The following DCHS1 variants were observed in gnomAD, a reference collection of about 807,000 sequenced individuals.
DCHS1 encodes the protein dachsous cadherin-related 1, also known as protocadherin-16.
In DCHS1, 78 loss-of-function variants were observed where a neutral mutation model predicts 213.9. The observed-to-expected ratio is 0.36, with a 90% CI of 0.30 to 0.44. The LOEUF (loss-of-function observed/expected upper bound fraction) is 0.44, where lower values mean the gene tolerates loss of function less well. Among genes scored for constraint, DCHS1 ranks in the 20% least tolerant of loss-of-function variants. The pLI is 1.00. For missense variants in DCHS1, 3,946 were observed against 4,395.9 expected, an observed-to-expected ratio of 0.90 and a Z score of 2.89; for synonymous variants, 1,828 against 1,873.7, an observed-to-expected ratio of 0.98 and a Z score of 0.63.
In DCHS1 at chr11:6,630,230, C is replaced by T. The variant is rs1349078969; in HGVS notation, c.4564G>A (p.Ala1522Thr). The T allele has an allele frequency of 1.9e-6, 3 of 1,555,904 alleles. No homozygotes were observed. The highest frequency in any genetic ancestry group is 1.7e-6 in the Non-Finnish European group (2 of 1,153,318). Reference sequence around the variant, plus strand: ...ACGCGCGCTGCACGACGGCGGCTGGCGTTGGCGGGCCGGTCGGTGGCTTCC... The same window carrying T: ...ACGCGCGCTGCACGACGGCGGCTGGTGTTGGCGGGCCGGTCGGTGGCTTCC... ...LVEATDRPANASRRRAARVSA... is the reference protein window; with the variant it reads ...LVEATDRPANTSRRRAARVSA... The change falls in exon 10 of 21, where the codon GCC becomes ACC. Residue 1522 changes from alanine to threonine, a missense_variant. Ala to Thr is a moderately conservative substitution (Grantham distance 58). Coordinates refer to ENST00000299441, the MANE Select transcript of DCHS1 (RefSeq NM_003737.4).
intron 6 of DCHS1, 43 bp from the exon 7 acceptor site, chr11:6,631,852 T>G: frequency 6.7e-7 from 1 of 1,494,324 alleles, no homozygotes; most frequent in African/African-American, 1.4e-5. Context: ...TGTTTAAGGA[T>G]GCAGAGCCTG....
intron 1 of DCHS1, among the ~76,000 whole-genome samples, chr11:6,653,234 T>A (rs577351394): frequency 6.6e-6 from 1 of 152,286 alleles, no homozygotes; most frequent in East Asian, 1.9e-4. Flanking sequence ...CTATTTTCCT[T>A]CATGTGGGCT....
intron 1 of DCHS1, among the ~76,000 whole-genome samples, chr11:6,644,484 C>T (rs952248646): frequency 1.3e-5 from 2 of 152,310 alleles, no homozygotes; most frequent in Non-Finnish European, 2.9e-5. Context: ...AAAATCACTC[C>T]CTCCTGCCTG....
Position 6,627,372 on chromosome 11 carries a change from A to G in DCHS1, c.5667T>C (p.His1889=), listed in dbSNP as rs2134619810. ...TACCGGCGCCCAGGTAGTAGGTCACATGGCCATTAGCTCCAGCATCAGGGT... is the reference window on the plus strand; with the variant it reads ...TACCGGCGCCCAGGTAGTAGGTCACGTGGCCATTAGCTCCAGCATCAGGGT... ...AHDPDAGANG[H]VTYYLGAGTA... Residue 1889 remains histidine, a synonymous_variant, in exon 14 of 21, where the codon CAT becomes CAC. Transcript: ENST00000299441. This position sits in a 1 kb window ranked among gnomAD's most constrained non-coding sequence, Gnocchi z 5.4. 6.2e-7 allele frequency: 1 copy of G among 1,608,040 alleles called. No homozygotes were observed. The highest frequency in any genetic ancestry group is 8.5e-7 in the Non-Finnish European group (1 of 1,177,366).
chr11:6,646,405 C>G (rs993743752), intron 1 of DCHS1, among the ~76,000 whole-genome samples: 1 of 152,166 alleles, frequency 6.6e-6, no homozygotes, highest in Non-Finnish European at 1.5e-5. Flanking sequence ...CCGTCTCATG[C>G]TCGCTCCAGC....
chr11:6,632,679 G>A lies in DCHS1; in HGVS notation c.2833C>T (p.Pro945Ser). The change falls in exon 6 of 21, where the codon CCC (proline) becomes TCC (serine). Residue 945 changes from proline to serine, a missense_variant. Pro to Ser is a moderately conservative substitution (Grantham distance 74). This residue lies in a region of DCHS1 where 3,384 missense variants were observed against 3,780.1 expected (regional missense o/e 0.90). Coordinates refer to ENST00000299441, the MANE Select transcript of DCHS1 (RefSeq NM_003737.4). The surrounding 1 kb of genome is among the most constrained non-coding windows in gnomAD (Gnocchi z 5.9). ...AGGGGAFTVD[P>S]TTGHVRLMRP... The stretch of plus-strand genomic sequence containing the variant: ...ATAAGCCGTACATGGCCTGTGGTGG[G>A]GTCCACGGTGAAGGCTCCACCACCC... The A allele has an allele frequency of 3.2e-6, 5 of 1,578,714 alleles. No homozygotes were observed. Among genetic ancestry groups the A allele is most frequent in the Non-Finnish European group, 3.4e-6 (4 of 1,161,906 alleles).
intron 1 of DCHS1, among the ~76,000 whole-genome samples, chr11:6,654,495 C>T (rs1377107460): frequency 6.6e-6 from 1 of 152,064 alleles, no homozygotes; most frequent in African/African-American, 2.4e-5. Context: ...TATGTGTTGG[C>T]CTTGACAATG....
Position 6,630,039 on chromosome 11 carries a change from T to C in DCHS1, c.4755A>G (p.Ala1585=), listed in dbSNP as rs1446835839. The C allele has an allele frequency of 6.4e-7, 1 of 1,557,356 alleles. No homozygotes were observed. The highest frequency in any genetic ancestry group is 1.2e-5 in the South Asian group (1 of 82,314). The change falls in exon 10 of 21, where the codon GCA becomes GCG. Residue 1585 remains alanine, a synonymous_variant. Coordinates refer to ENST00000299441, the MANE Select transcript of DCHS1 (RefSeq NM_003737.4). ...GCCGGAAGTGGCCGTCCCCGCCAGA[T>C]GCCAGCCGATAGGACACGCGTGCAG... ...GEAARVSYRL[A]SGGDGHFRLH...
rs771473186 is a variant in DCHS1, at chr11:6,627,311, C to T, written c.5728G>A (p.Glu1910Lys). 4 of 1,611,672 alleles carry T rather than the reference C, an allele frequency of 2.5e-6. No individual in the cohort carries two copies. Among genetic ancestry groups the T allele is most frequent in the Non-Finnish European group, 3.4e-6 (4 of 1,179,038 alleles). The change falls in exon 14 of 21, where the codon GAA (glutamate) becomes AAA (lysine). Residue 1910 changes from glutamate (E) to lysine (K), a missense_variant. Transcript: ENST00000299441. This position sits in a 1 kb window ranked among gnomAD's most constrained non-coding sequence, Gnocchi z 5.4. ...GAFLLEPSSG[E>K]LRTAAALDRE... ...TCCAAGGCTGCAGCTGTGCGCAGTTCTCCAGAGCTGGGCTCCAGCAGGAAG... is the reference window on the plus strand; with the variant it reads ...TCCAAGGCTGCAGCTGTGCGCAGTTTTCCAGAGCTGGGCTCCAGCAGGAAG...
Position 6,655,522 on chromosome 11 carries a change from G to A in DCHS1, c.-121+41C>T, listed in dbSNP as rs1057367077. 158 of 975,704 alleles carry A rather than the reference G, an allele frequency of 1.6e-4. No individual in the cohort carries two copies. In the African/African-American group the frequency reaches 2.5e-3, roughly 15 times the overall value. 60.4% of individuals were successfully genotyped at this position (975,704 alleles called of 1,614,324 possible). On this transcript the variant is annotated intron_variant, in intron 1 of 20. Transcript: ENST00000299441. Reference sequence around the variant, plus strand: ...AGCCCAGGGGAGGCCGGCGGGCAGGGCGGGCGCGGCCAGACGGGCCGGGCG... The same window carrying A: ...AGCCCAGGGGAGGCCGGCGGGCAGGACGGGCGCGGCCAGACGGGCCGGGCG...
rs1236669312 is a variant in DCHS1, at chr11:6,622,127, G to A, written c.9549C>T (p.Ile3183=). The A allele has an allele frequency of 5.0e-6, 8 of 1,612,920 alleles. No homozygotes were observed. Among genetic ancestry groups the A allele is most frequent in the Middle Eastern group, 1.6e-4 (1 of 6,082 alleles). Residue 3183 remains isoleucine (I), a synonymous_variant, in exon 21 of 21, where the codon ATC becomes ATT. Transcript: ENST00000299441. This position sits in a 1 kb window ranked among gnomAD's most constrained non-coding sequence, Gnocchi z 5.4. The stretch of plus-strand genomic sequence containing the variant: ...GCCGAGCTTCATCCTTGAGCCGAGC[G>A]ATCTCTGTGAAGACACTGGCCAGTG... ...FQPLASVFTE[I]ARLKDEARPC...
rs754567549 is a variant in DCHS1, at chr11:6,629,493, C to T, written c.5120G>A (p.Arg1707Gln). 6 of 1,613,060 alleles carry T rather than the reference C, an allele frequency of 3.7e-6. No homozygotes were observed. The highest frequency in any genetic ancestry group is 2.7e-5 in the African/African-American group (2 of 75,032). ...CTCCTGTTCCTCTCGATCCAGGGCC[C>T]GAAGAGTCGTGAGAACACCAGTGTC... ...DPDTGVLTTL[R>Q]ALDREEQEEI... is the part of the protein sequence containing the mutation. The change falls in exon 12 of 21, where the codon CGG (arginine) becomes CAG (glutamine). Residue 1707 changes from arginine to glutamine, a missense_variant. Arg to Gln is a conservative substitution (Grantham distance 43). This residue lies in a region of DCHS1 where 3,384 missense variants were observed against 3,780.1 expected (regional missense o/e 0.90). Transcript: ENST00000299441.
In DCHS1 at chr11:6,631,371, T is replaced by C; in HGVS notation, c.3712A>G (p.Thr1238Ala). The change falls in exon 8 of 21, where the codon ACT becomes GCT. Residue 1238 changes from threonine to alanine, a missense_variant. By Grantham distance (58) the Thr-to-Ala change is moderately conservative. Coordinates refer to ENST00000299441, the MANE Select transcript of DCHS1 (RefSeq NM_003737.4). ...TCATCTGGATCCTTCGCCTGCAGAG[T>C]CGTCACCAGTGTTCCCGGAGGCACG... is the stretch of plus-strand genomic sequence containing the variant. ...DRVPPGTLVT[T>A]LQAKDPDEGE... is the part of the protein sequence containing the mutation. The C allele has an allele frequency of 6.2e-7, 1 of 1,613,852 alleles. No homozygotes were observed.
At chr11:6,631,545 C>A (rs922216479) in intron 7 of DCHS1, 71 bp downstream of exon 7, 50 of 1,560,314 alleles carry the variant, frequency 3.2e-5, no homozygotes, top group Admixed American at 2.4e-4. Flanking sequence ...CTTACCTACA[C>A]CTACAGCTCT....
At position 6,625,001 on chromosome 11, in the gene DCHS1, T is replaced by A; in HGVS notation, c.7147-133A>T. On this transcript the variant is annotated intron_variant, in intron 19 of 20. Coordinates refer to ENST00000299441, the MANE Select transcript of DCHS1 (RefSeq NM_003737.4). This position sits in a 1 kb window ranked among gnomAD's most constrained non-coding sequence, Gnocchi z 5.3. Reference sequence around the variant, plus strand: ...ACTTGGAGCCCCTACTCCTAAGTATTCGAATGGGAAATGCCCACCTTCTCC... The same window carrying A: ...ACTTGGAGCCCCTACTCCTAAGTATACGAATGGGAAATGCCCACCTTCTCC... The A allele has an allele frequency of 7.0e-7, 1 of 1,425,288 alleles. No homozygotes were observed. The highest frequency in any genetic ancestry group is 9.5e-7 in the Non-Finnish European group (1 of 1,051,368). The allele number at this position is 1,425,288 out of a possible 1,614,324, so 88.3% of individuals were successfully genotyped here. A position where few individuals can be genotyped will look rare whatever the true frequency, so the allele number is the denominator to read the frequency against.
chr11:6,627,487 T>C lies in DCHS1; in HGVS notation c.5552A>G (p.His1851Arg), dbSNP rs759281674. Residue 1851 changes from histidine (H) to arginine (R), a missense_variant, in exon 14 of 21, where the codon CAT (histidine) becomes CGT (arginine). His to Arg is a conservative substitution (Grantham distance 29, BLOSUM62 0). This residue lies in a region of DCHS1 where 3,384 missense variants were observed against 3,780.1 expected (regional missense o/e 0.90). Coordinates refer to ENST00000299441, the MANE Select transcript of DCHS1 (RefSeq NM_003737.4). This position sits in a 1 kb window ranked among gnomAD's most constrained non-coding sequence, Gnocchi z 5.4. ...GGCAGGCACAGGAAAGGCTGGAGCA[T>C]GGTCATTGGCATCCAGCACTGTCAC... ...LTVTVLDAND[H>R]APAFPVPAYS... 1 of 1,611,604 alleles carries C rather than the reference T, an allele frequency of 6.2e-7. No homozygotes were observed. Among genetic ancestry groups the C allele is most frequent in the Non-Finnish European group, 8.5e-7 (1 of 1,179,006 alleles).
chr11:6,633,063 A>G lies in DCHS1; in HGVS notation c.2456-7T>C. 1 of 1,586,172 alleles carries G rather than the reference A, an allele frequency of 6.3e-7. No individual in the cohort carries two copies. The highest frequency in any genetic ancestry group is 8.6e-7 in the Non-Finnish European group (1 of 1,162,716). On this transcript the variant is annotated splice_polypyrimidine_tract_variant and splice_region_variant and intron_variant, in intron 5 of 20. Transcript: ENST00000299441. ...GTCACAGGTGCCAAGCGACCTAGGG[A>G]GGATGAAAAAGGGATCAGGAAAGAG...
At position 6,629,798 on chromosome 11, in the gene DCHS1, C is replaced by G. The variant is rs761516066; in HGVS notation, c.4909G>C (p.Val1637Leu). ...PPRSATQVLT[V>L]SVADVNDEAP... ...TCGTCGTTGACGTCAGCGACACTGA[C>G]GGTCAGGACCTGCGTGGCCGAGCGC... The change falls in exon 11 of 21, where the codon GTC (valine) becomes CTC (leucine). Residue 1637 changes from valine to leucine, a missense_variant. Transcript: ENST00000299441. The G allele has an allele frequency of 6.2e-7, 1 of 1,613,396 alleles. No individual in the cohort carries two copies. Among genetic ancestry groups the G allele is most frequent in the Non-Finnish European group, 8.5e-7 (1 of 1,179,910 alleles).
At position 6,629,582 on chromosome 11, in the gene DCHS1, G is replaced by C. The variant is rs369059057; in HGVS notation, c.5036-5C>G. 804 of 1,613,692 alleles carry C rather than the reference G, an allele frequency of 5.0e-4. 7 individuals carry two copies. The highest frequency in any genetic ancestry group is 4.9e-3 in the South Asian group (447 of 91,000). ...AAGTCACTTGCCCGTTGGCCCCTGAGGAGGGGCAGCATGGAGGGCGATCAG... is the reference window on the plus strand; with the variant it reads ...AAGTCACTTGCCCGTTGGCCCCTGACGAGGGGCAGCATGGAGGGCGATCAG... On this transcript the variant is annotated splice_polypyrimidine_tract_variant and splice_region_variant and intron_variant, in intron 11 of 20. Coordinates refer to ENST00000299441, the MANE Select transcript of DCHS1 (RefSeq NM_003737.4).
Sources: allele counts gnomAD v4.1 joint callset (sites outside exome capture counted in the v4.1 genomes callset), GRCh38; gene constraint gnomAD v4.1.1; regional missense constraint gnomAD v4.1.1; non-coding constraint Gnocchi (gnomAD v3.1); transcripts MANE v1.5; gene names NCBI Gene and HGNC (gene_info 2026-07-23, HGNC 2026-07-21).